PTK7: variants seen among roughly 807,000 people sequenced by gnomAD.
The protein encoded by PTK7 is protein tyrosine kinase 7 (inactive), also known as inactive tyrosine-protein kinase 7.
A neutral mutation model predicts 116.6 loss-of-function variants in PTK7; 39 were observed. That is an observed-to-expected ratio of 0.33 (90% CI 0.26 to 0.44). The LOEUF is 0.44. Ranked by LOEUF, PTK7 falls within the 20% of genes least tolerant of loss-of-function variation. PTK7 has a pLI of 1.00. For missense variants in PTK7, 1,169 were observed against 1,425.6 expected, an observed-to-expected ratio of 0.82 and a Z score of 2.90; for synonymous variants, 546 against 563.6, an observed-to-expected ratio of 0.97 and a Z score of 0.44.
intron 1 of PTK7, among the ~76,000 whole-genome samples, chr6:43,096,623 G>A (rs556128607): frequency 1.6e-4 from 24 of 152,352 alleles, no homozygotes; most frequent in African/African-American, 5.8e-4. Context: ...TCGCTGGGGT[G>A]GTAGGTGGGA....
chr6:43,148,266 G>GGGAGT (rs1770841056), intron 17 of PTK7, among the ~76,000 whole-genome samples: 1 of 151,852 alleles, frequency 6.6e-6, no homozygotes, highest in African/African-American at 2.4e-5. Flanking sequence ...GGGAGGGGAG[G>GGGAGT]GGGGGAAAGG....
intron 1 of PTK7, among the ~76,000 whole-genome samples, chr6:43,095,486 C>T (rs1159824701): frequency 1.3e-5 from 2 of 152,112 alleles, no homozygotes; most frequent in African/African-American, 2.4e-5. Flanking sequence ...AGCACTTTAC[C>T]ACATATGGGT....
intron 1 of PTK7, among the ~76,000 whole-genome samples, chr6:43,115,007 A>G (rs1211016598): frequency 1.3e-5 from 2 of 151,238 alleles, no homozygotes; most frequent in African/African-American, 4.9e-5. Flanking sequence ...TTGCCATTGC[A>G]CTCCAGCCTG....
At chr6:43,088,613 G>T (rs918472059) in intron 1 of PTK7, among the ~76,000 whole-genome samples, 4 of 152,010 alleles carry the variant, frequency 2.6e-5, no homozygotes, top group Admixed American at 6.6e-5. Context: ...AATGGCTTGA[G>T]CCTGGGAGGC....
At chr6:43,107,438 A>G (rs1010534925) in intron 1 of PTK7, among the ~76,000 whole-genome samples, 1 of 152,214 alleles carries the variant, frequency 6.6e-6, no homozygotes, top group African/African-American at 2.4e-5. Context: ...TCGTTTCCTT[A>G]TCTGCATAAT....
At chr6:43,081,283 C>T (rs1444521452) in intron 1 of PTK7, among the ~76,000 whole-genome samples, 1 of 152,252 alleles carries the variant, frequency 6.6e-6, no homozygotes, top group Non-Finnish European at 1.5e-5. Flanking sequence ...TCTTGCGACA[C>T]CATCCATATT....
At chr6:43,080,999 TG>T (rs1209215571) in intron 1 of PTK7, among the ~76,000 whole-genome samples, 1 of 151,856 alleles carries the variant, frequency 6.6e-6, no homozygotes. Context: ...GTCTTCCCTC[TG>T]TGGTGTGCTT....
At chr6:43,084,826 T>C (rs1460378102) in intron 1 of PTK7, among the ~76,000 whole-genome samples, 1 of 152,090 alleles carries the variant, frequency 6.6e-6, no homozygotes, top group Non-Finnish European at 1.5e-5. Context: ...AGACCCTACA[T>C]TGCTGAATAG....
At chr6:43,159,002 T>C (rs759593477) in intron 18 of PTK7, 34 bp downstream of exon 18, 2 of 1,608,416 alleles carry the variant, frequency 1.2e-6, no homozygotes, top group Non-Finnish European at 1.7e-6. Flanking sequence ...GGGCTCCCCA[T>C]TTTTTCCCAG....
intron 13 of PTK7, chr6:43,142,627 C>A: frequency 2.4e-6 from 1 of 419,766 alleles, no homozygotes; most frequent in Admixed American, 3.4e-5. Context: ...GGTCAGAATG[C>A]AGTAGGACAA....
intron 1 of PTK7, among the ~76,000 whole-genome samples, chr6:43,117,826 C>T (rs1405505298): frequency 6.6e-6 from 1 of 151,864 alleles, no homozygotes; most frequent in African/African-American, 2.4e-5. Context: ...ATCCTAGCTA[C>T]TCAGGAGGCT....
intron 1 of PTK7, among the ~76,000 whole-genome samples, chr6:43,088,635 T>C (rs1303070643): frequency 6.6e-6 from 1 of 151,976 alleles, no homozygotes; most frequent in African/African-American, 2.4e-5. Flanking sequence ...GAGGTTGCAG[T>C]GAGTTGAGAT....
At chr6:43,159,612 C>T (rs1420993871) in intron 18 of PTK7, 176 bp from the exon 19 acceptor site, 1 of 627,752 alleles carries the variant, frequency 1.6e-6, no homozygotes. Flanking sequence ...GTGGTTACCT[C>T]CAGATTTTGT....
At chr6:43,134,423 G>A (rs985573577) in intron 7 of PTK7, among the ~76,000 whole-genome samples, 1 of 152,268 alleles carries the variant, frequency 6.6e-6, no homozygotes, top group East Asian at 1.9e-4. Context: ...GAGATAGGAA[G>A]ATCTCTTGAG....
chr6:43,117,579 T>C (rs1345372638), intron 1 of PTK7, among the ~76,000 whole-genome samples: 1 of 152,132 alleles, frequency 6.6e-6, no homozygotes, highest in Admixed American at 6.6e-5. Context: ...GATTTCCTTG[T>C]CTATAAAATG....
At position 43,129,450 on chromosome 6, in the gene PTK7, T is replaced by G. The variant is rs934375853; in HGVS notation, c.367+186T>G. ...TTAAAAGTTATATTTTTTCCAAAAT[T>G]TTTTCCTTCAAGTCTGGGACCCATT... On this transcript the variant is annotated intron_variant, in intron 2 of 19. Coordinates refer to ENST00000230419, the MANE Select transcript of PTK7 (RefSeq NM_002821.5). This position sits in a 1 kb window ranked among gnomAD's most constrained non-coding sequence, Gnocchi z 4.5. 5 of 947,758 alleles carry G rather than the reference T, an allele frequency of 5.3e-6. No individual in the cohort carries two copies. The African/African-American group carries it at 6.7e-5, about 13-fold the overall frequency. The allele number at this position is 947,758 out of a possible 1,614,324, so 58.7% of individuals were successfully genotyped here.
At chr6:43,091,543 T>G (rs1479346704) in intron 1 of PTK7, among the ~76,000 whole-genome samples, 1 of 152,222 alleles carries the variant, frequency 6.6e-6, no homozygotes, top group Non-Finnish European at 1.5e-5. Flanking sequence ...GAGATGGTAC[T>G]GCATTTCATT....
In PTK7 at chr6:43,159,008, C is replaced by A. The variant is rs369042690; in HGVS notation, c.2873+40C>A. 2.5e-6 allele frequency: 4 copies of A among 1,608,548 alleles called. No homozygotes were observed. The African/African-American group carries it at 5.3e-5, about 22-fold the overall frequency. On this transcript the variant is annotated intron_variant, in intron 18 of 19. Transcript: ENST00000230419. ...GTGGGGTGGGGGCTCCCCATTTTTTCCCAGAGGGTGAGGGGCAGAGGACAG... is the reference window on the plus strand; with the variant it reads ...GTGGGGTGGGGGCTCCCCATTTTTTACCAGAGGGTGAGGGGCAGAGGACAG...
intron 17 of PTK7, among the ~76,000 whole-genome samples, chr6:43,152,051 G>C (rs1771142570): frequency 6.6e-6 from 1 of 151,006 alleles, no homozygotes. Flanking sequence ...GTTTCATCAT[G>C]TTAGCCAGGA....
Sources: gnomAD v4.1 joint callset for allele counts (sites outside exome capture counted in the v4.1 genomes callset) on GRCh38, gnomAD v4.1.1 for gene constraint, Gnocchi (gnomAD v3.1) non-coding constraint, MANE v1.5 for transcripts, NCBI Gene and HGNC (gene_info 2026-07-23, HGNC 2026-07-21) for gene names.